Variants in ROR1 observed in about 807,000 individuals in gnomAD.
The protein encoded by ROR1 is inactive tyrosine-protein kinase transmembrane receptor ROR1.
A neutral mutation model predicts 78.8 loss-of-function variants in ROR1; 19 were observed. The observed-to-expected ratio is 0.24, with a 90% CI of 0.17 to 0.35. The LOEUF is 0.35. Among genes scored for constraint, ROR1 ranks in the 10% least tolerant of loss-of-function variants. The pLI is 1.00. For missense variants in ROR1, 917 were observed against 1,177.8 expected, an observed-to-expected ratio of 0.78 and a Z score of 3.24; for synonymous variants, 386 against 433.6, an observed-to-expected ratio of 0.89 and a Z score of 1.36.
chr1:63,927,961 T>C (rs116815684), intron 1 of ROR1, among the ~76,000 whole-genome samples: 81,304 of 133,440 alleles, frequency 0.61, 26,045 homozygotes, highest in East Asian at 0.89. Context: ...GGGGTTCCCT[T>C]TTTTTTTTTT....
intron 8 of ROR1, among the ~76,000 whole-genome samples, chr1:64,176,666 T>A (rs1217082424): frequency 6.6e-6 from 1 of 152,138 alleles, no homozygotes. Context: ...ATGACCATAG[T>A]GGTCAGGGAA....
chr1:63,815,756 C>A (rs1402603528), intron 1 of ROR1, among the ~76,000 whole-genome samples: 2 of 151,990 alleles, frequency 1.3e-5, no homozygotes, highest in Admixed American at 6.6e-5. Context: ...CCCAGTGGTT[C>A]TTGTTCAGGG....
chr1:64,121,582 C>T (rs531354180), intron 4 of ROR1, among the ~76,000 whole-genome samples: 4 of 152,010 alleles, frequency 2.6e-5, no homozygotes, highest in South Asian at 2.1e-4. Context: ...TGCACCCTGG[C>T]GGGGAAGAGT....
chr1:63,915,929 A>G (rs1645605696), intron 1 of ROR1, among the ~76,000 whole-genome samples: 1 of 152,106 alleles, frequency 6.6e-6, no homozygotes, highest in African/African-American at 2.4e-5. Context: ...TCCCCCATCT[A>G]CAAGTATACA....
chr1:63,914,631 T>A (rs376124132), intron 1 of ROR1, among the ~76,000 whole-genome samples: 1 of 152,314 alleles, frequency 6.6e-6, no homozygotes, highest in Non-Finnish European at 1.5e-5. Context: ...CTTTCCAGAT[T>A]GTTCTATTAA....
chr1:64,141,718 T>G (rs1340520176), intron 6 of ROR1, among the ~76,000 whole-genome samples: 1 of 152,200 alleles, frequency 6.6e-6, no homozygotes, highest in African/African-American at 2.4e-5. Flanking sequence ...TAATACTATT[T>G]TGTGAGTTAA....
intron 1 of ROR1, among the ~76,000 whole-genome samples, chr1:63,928,811 G>T (rs1213511183): frequency 2.0e-5 from 3 of 152,180 alleles, no homozygotes; most frequent in African/African-American, 7.2e-5. Flanking sequence ...ACAGTGCCTG[G>T]CACTTAGTGC....
In ROR1 at chr1:64,038,394, A is replaced by G. The variant is rs547179960; in HGVS notation, c.164-11297A>G. On this transcript the variant is annotated intron_variant, in intron 2 of 8. Transcript: ENST00000371079. ...CCACCCTATCTTGTGAATGCCTTCAACACTCAGCATCTTGACCACACACTT... is the reference window on the plus strand; with the variant it reads ...CCACCCTATCTTGTGAATGCCTTCAGCACTCAGCATCTTGACCACACACTT... Among the ~76,000 whole-genome samples the G allele has an allele frequency of 5.3e-5, 8 of 152,302 alleles. No individual in the cohort carries two copies. The East Asian group carries it at 9.7e-4, about 18-fold the overall frequency.
chr1:63,840,296 T>TTG (rs397762785), intron 1 of ROR1, among the ~76,000 whole-genome samples: 3 of 151,472 alleles, frequency 2.0e-5, no homozygotes, highest in African/African-American at 7.3e-5. Flanking sequence ...TTTTTTTTTT[T>TTG]GAGATGGAGT....
At chr1:63,940,572 T>G (rs1645830750) in intron 1 of ROR1, among the ~76,000 whole-genome samples, 1 of 151,940 alleles carries the variant, frequency 6.6e-6, no homozygotes, top group African/African-American at 2.4e-5. Context: ...GGCTCTTCCT[T>G]AACAGTGTAA....
intron 4 of ROR1, among the ~76,000 whole-genome samples, chr1:64,108,098 G>C (rs1569774855): frequency 7.8e-6 from 1 of 127,520 alleles, no homozygotes; most frequent in East Asian, 2.3e-4. Flanking sequence ...GTGTGTGTGT[G>C]TTTAAATCAC....
At chr1:64,120,170 T>C (rs1481924258) in intron 4 of ROR1, among the ~76,000 whole-genome samples, 4 of 152,150 alleles carry the variant, frequency 2.6e-5, no homozygotes, top group African/African-American at 9.7e-5. Context: ...ATGATTATTA[T>C]TAATAAAGTC....
At chr1:63,879,391 G>A (rs1337433442) in intron 1 of ROR1, among the ~76,000 whole-genome samples, 3 of 152,116 alleles carry the variant, frequency 2.0e-5, no homozygotes, top group Non-Finnish European at 4.4e-5. Flanking sequence ...AGGTGGAGAT[G>A]AAAGCCTGTA....
At chr1:64,038,340 A>G (rs1458828505) in intron 2 of ROR1, among the ~76,000 whole-genome samples, 1 of 152,144 alleles carries the variant, frequency 6.6e-6, no homozygotes, top group African/African-American at 2.4e-5. Flanking sequence ...AACCTTGGCC[A>G]GCCTGTTTTG....
chr1:64,030,347 C>T (rs1176453408), intron 2 of ROR1, among the ~76,000 whole-genome samples: 40 of 152,202 alleles, frequency 2.6e-4, no homozygotes. Flanking sequence ...AAGCACACTT[C>T]TGCCCAGTTT....
chr1:63,931,763 T>A (rs1268046), intron 1 of ROR1, among the ~76,000 whole-genome samples: 101,783 of 152,070 alleles, frequency 0.67, 38,084 homozygotes, highest in East Asian at 0.94. Flanking sequence ...AGTGCTTGTG[T>A]TTGAGTAACT....
intron 1 of ROR1, among the ~76,000 whole-genome samples, chr1:63,806,505 G>A (rs567147921): frequency 6.6e-6 from 1 of 152,238 alleles, no homozygotes; most frequent in African/African-American, 2.4e-5. Context: ...TTTTAGTAGA[G>A]ACGGAGTTTC....
At chr1:64,002,183 G>A (rs997829284) in intron 1 of ROR1, among the ~76,000 whole-genome samples, 1 of 146,846 alleles carries the variant, frequency 6.8e-6, no homozygotes, top group Admixed American at 7.0e-5. Context: ...CACCAGGCTG[G>A]AGTGCAGTGG....
chr1:63,882,496 G>T (rs902738566), intron 1 of ROR1, among the ~76,000 whole-genome samples: 1 of 152,146 alleles, frequency 6.6e-6, no homozygotes, highest in African/African-American at 2.4e-5. Flanking sequence ...AGTTTTGTGA[G>T]CCTGTGGGTG....
Sources: allele counts gnomAD v4.1 joint callset (sites outside exome capture counted in the v4.1 genomes callset), GRCh38; gene constraint gnomAD v4.1.1; transcripts MANE v1.5; gene names NCBI Gene and HGNC (gene_info 2026-07-23, HGNC 2026-07-21).